BABAM2: variants seen among roughly 807,000 people sequenced by gnomAD.
The protein encoded by BABAM2 is BRISC and BRCA1 A complex member 2, also known as BRISC and BRCA1-A complex member 2.
BABAM2 carries 31 observed loss-of-function variants against 54.7 expected under a neutral mutation model. The observed-to-expected ratio is 0.57, with a 90% confidence interval of 0.43 to 0.77. The LOEUF is 0.77. BABAM2 is among the 30% of genes least tolerant of loss of function. The pLI is 0.00. For synonymous variants in BABAM2, 167 were observed against 162.9 expected, an observed-to-expected ratio of 1.03 and a Z score of -0.19; for missense variants, 364 against 455.8, an observed-to-expected ratio of 0.80 and a Z score of 1.83.
At chr2:28,260,702 G>A (rs868164197) in intron 10 of BABAM2, among the ~76,000 whole-genome samples, 3 of 152,170 alleles carry the variant, frequency 2.0e-5, no homozygotes, top group African/African-American at 7.2e-5. Flanking sequence ...CAAAAAGCAT[G>A]ATTGGGATTG....
In BABAM2 at chr2:27,988,090, G is replaced by A; in HGVS notation, c.300+3G>A. 1 of 1,609,708 alleles carries A rather than the reference G, an allele frequency of 6.2e-7. No homozygotes were observed. The highest frequency in any genetic ancestry group is 8.5e-7 in the Non-Finnish European group (1 of 1,176,126). ...TGCCAGACCCCTCAGCTTTGCAGGT[G>A]AGTACTGCAGACTTGCTTGAATGAT... On this transcript the variant is annotated splice_donor_region_variant and intron_variant, in intron 4 of 11. Coordinates refer to ENST00000379624, the MANE Select transcript of BABAM2 (RefSeq NM_199191.3).
intron 10 of BABAM2, among the ~76,000 whole-genome samples, chr2:28,255,145 C>T (rs889111042): frequency 6.0e-5 from 9 of 150,840 alleles, no homozygotes; most frequent in African/African-American, 2.2e-4. Flanking sequence ...TTGTCTCAAA[C>T]GTGGGTTTTT....
intron 3 of BABAM2, among the ~76,000 whole-genome samples, chr2:27,963,549 G>A (rs1015641727): frequency 6.6e-6 from 1 of 151,102 alleles, no homozygotes; most frequent in Non-Finnish European, 1.5e-5. Flanking sequence ...TTGTCTGAGA[G>A]CATTTAAAAC....
intron 7 of BABAM2, among the ~76,000 whole-genome samples, chr2:28,163,244 G>A (rs575434218): frequency 1.1e-4 from 16 of 152,216 alleles, no homozygotes; most frequent in African/African-American, 3.6e-4. Flanking sequence ...AGCTCTGGGT[G>A]CCAGCGCTTC....
chr2:27,918,849 C>T (rs1045537981), intron 2 of BABAM2, among the ~76,000 whole-genome samples: 2 of 152,048 alleles, frequency 1.3e-5, no homozygotes, highest in African/African-American at 4.8e-5. Context: ...CCACCATGCC[C>T]ACTAACTTTT....
chr2:28,260,416 G>A (rs898796707), intron 10 of BABAM2, among the ~76,000 whole-genome samples: 6 of 145,846 alleles, frequency 4.1e-5, no homozygotes, highest in East Asian at 2.0e-4. Flanking sequence ...ATTCTCCTGC[G>A]TTAGCCTCCT....
intron 10 of BABAM2, among the ~76,000 whole-genome samples, chr2:28,277,035 T>C (rs1025322243): frequency 1.6e-4 from 24 of 152,334 alleles, no homozygotes; most frequent in African/African-American, 5.5e-4. Context: ...CATGCTTGGC[T>C]ATCTCCCTCG....
chr2:27,913,963 CA>C (rs1264931745), intron 2 of BABAM2, among the ~76,000 whole-genome samples: 1 of 152,148 alleles, frequency 6.6e-6, no homozygotes, highest in Non-Finnish European at 1.5e-5. Flanking sequence ...AAGAAAATAT[CA>C]TTTACCATTT....
At chr2:27,891,015 C>T (rs1573093164) in intron 1 of BABAM2, 173 bp downstream of exon 1, 1 of 152,610 alleles carries the variant, frequency 6.6e-6, no homozygotes, top group Admixed American at 6.5e-5. Context: ...AGAACGAGCC[C>T]CCAAGGCCAG....
intron 2 of BABAM2, among the ~76,000 whole-genome samples, chr2:27,900,926 C>T (rs1212239828): frequency 6.6e-6 from 1 of 151,460 alleles, no homozygotes; most frequent in Non-Finnish European, 1.5e-5. Context: ...GCCTATAGTC[C>T]CAGCTACTCG....
intron 2 of BABAM2, among the ~76,000 whole-genome samples, chr2:27,919,129 A>G (rs948319641): frequency 6.6e-6 from 1 of 152,090 alleles, no homozygotes; most frequent in African/African-American, 2.4e-5. Flanking sequence ...TGATCATTTG[A>G]TATTATTTTA....
chr2:28,157,763 C>T (rs1672687159), intron 7 of BABAM2, among the ~76,000 whole-genome samples: 1 of 152,146 alleles, frequency 6.6e-6, no homozygotes, highest in Admixed American at 6.5e-5. Flanking sequence ...AGGCATGCGC[C>T]ACCATGCCCA....
chr2:28,126,275 T>C, intron 6 of BABAM2, among the ~76,000 whole-genome samples: 1 of 145,106 alleles, frequency 6.9e-6, no homozygotes. Context: ...GTATATCTCC[T>C]AATGCTATCC....
intron 11 of BABAM2, among the ~76,000 whole-genome samples, chr2:28,337,093 C>G (rs1691532372): frequency 6.6e-6 from 1 of 152,114 alleles, no homozygotes; most frequent in African/African-American, 2.4e-5. Context: ...CTTGGTGGCC[C>G]TGCCTGGTTC....
intron 7 of BABAM2, among the ~76,000 whole-genome samples, chr2:28,131,387 T>G (rs1279819028): frequency 6.9e-6 from 1 of 145,690 alleles, no homozygotes; most frequent in African/African-American, 2.6e-5. Flanking sequence ...GGCCTATTAT[T>G]TTTTAATTGA....
chr2:28,090,199 T>A (rs1666041151), intron 6 of BABAM2, among the ~76,000 whole-genome samples: 1 of 152,214 alleles, frequency 6.6e-6, no homozygotes, highest in African/African-American at 2.4e-5. Flanking sequence ...TGCTTGTATT[T>A]GCCACAAAGC....
intron 7 of BABAM2, among the ~76,000 whole-genome samples, chr2:28,178,146 A>G (rs908588384): frequency 1.3e-5 from 2 of 152,138 alleles, no homozygotes; most frequent in Non-Finnish European, 2.9e-5. Context: ...GACCAAATGG[A>G]CCTAACAGAC....
At chr2:28,004,295 A>G (rs1053432456) in intron 4 of BABAM2, among the ~76,000 whole-genome samples, 1 of 152,218 alleles carries the variant, frequency 6.6e-6, no homozygotes, top group Non-Finnish European at 1.5e-5. Context: ...CACTGGTTTG[A>G]TGTAATCCTT....
intron 4 of BABAM2, among the ~76,000 whole-genome samples, chr2:28,004,977 CTTTAA>C (rs1417389739): frequency 2.0e-5 from 3 of 152,178 alleles, no homozygotes; most frequent in Non-Finnish European, 4.4e-5. Context: ...TGAGATTTGA[CTTTAA>C]TTTAAAACTA....
Sources: allele counts gnomAD v4.1 joint callset (sites outside exome capture counted in the v4.1 genomes callset), GRCh38; gene constraint gnomAD v4.1.1; transcripts MANE v1.5; gene names NCBI Gene and HGNC (gene_info 2026-07-23, HGNC 2026-07-21).